The following CAP2 variants were observed in gnomAD, a reference collection of about 807,000 sequenced individuals.
CAP2 encodes the protein cyclase associated actin cytoskeleton regulatory protein 2.
A neutral mutation model predicts 57.7 loss-of-function variants in CAP2; 24 were observed. That is an observed-to-expected ratio of 0.42 (90% CI 0.30 to 0.58). The LOEUF is 0.58. Among genes scored for constraint, CAP2 ranks in the 20% least tolerant of loss-of-function variants. The probability of loss-of-function intolerance (pLI) is 0.22; values close to 1 mark genes in which losing one functional copy is unlikely to be tolerated. For missense variants in CAP2, 501 were observed against 590.3 expected, an observed-to-expected ratio of 0.85 and a Z score of 1.57; for synonymous variants, 194 against 207.2, an observed-to-expected ratio of 0.94 and a Z score of 0.55.
chr6:17,481,409 A>G (rs1482864968), intron 4 of CAP2, among the ~76,000 whole-genome samples: 4 of 148,604 alleles, frequency 2.7e-5, no homozygotes, highest in Non-Finnish European at 3.0e-5. Flanking sequence ...ATTTATTTCA[A>G]TTAACTAAGT....
intron 1 of CAP2, among the ~76,000 whole-genome samples, chr6:17,404,644 A>T (rs1196834189): frequency 6.9e-6 from 1 of 144,988 alleles, no homozygotes; most frequent in Non-Finnish European, 1.5e-5. Context: ...GGTGGCACGC[A>T]CCTGTAATCC....
rs764615905 is a variant in CAP2 at position 17,439,118 on chromosome 6, TAAAG to T, written c.222+12430_222+12433del. On this transcript the variant is annotated intron_variant, in intron 3 of 12. Coordinates refer to ENST00000229922, the MANE Select transcript of CAP2 (RefSeq NM_006366.3). ...AGAGCGAGACTCTGTCTTAAAAAAA[TAAAG>T]AGAGAGAGAAAAAAGAGAGAGAGAA... Among the ~76,000 whole-genome samples, 195 of 150,128 alleles carry T rather than the reference TAAAG, an allele frequency of 1.3e-3. 6 individuals carry two copies. The highest frequency in any genetic ancestry group is 2.8e-3 in the African/African-American group (114 of 40,308).
chr6:17,525,578 AT>A (rs1762484314), intron 7 of CAP2, among the ~76,000 whole-genome samples: 1 of 152,076 alleles, frequency 6.6e-6, no homozygotes, highest in Non-Finnish European at 1.5e-5. Flanking sequence ...AGCACTTCTT[AT>A]ACTCTCCATT....
intron 1 of CAP2, among the ~76,000 whole-genome samples, chr6:17,416,174 G>A (rs1452858381): frequency 1.0e-5 from 1 of 97,684 alleles, no homozygotes; most frequent in Non-Finnish European, 2.6e-5. Context: ...TTTTAAACAT[G>A]TTGGAGGAAT....
chr6:17,448,566 G>A (rs1349753618), intron 3 of CAP2, among the ~76,000 whole-genome samples: 1 of 152,100 alleles, frequency 6.6e-6, no homozygotes, highest in Non-Finnish European at 1.5e-5. Context: ...ATTCTTTCCA[G>A]TCTTTGATCT....
intron 3 of CAP2, among the ~76,000 whole-genome samples, chr6:17,428,392 T>A (rs1759643046): frequency 3.3e-5 from 5 of 152,214 alleles, no homozygotes; most frequent in Admixed American, 3.3e-4. Flanking sequence ...TTCTTCTTTT[T>A]CTTTGGCCTT....
chr6:17,512,419 T>G (rs1300011992), intron 6 of CAP2, among the ~76,000 whole-genome samples: 2 of 151,922 alleles, frequency 1.3e-5, no homozygotes, highest in Non-Finnish European at 2.9e-5. Flanking sequence ...GAGAAGAAAG[T>G]ATATTGAATG....
chr6:17,529,319 G>C (rs749740866), intron 7 of CAP2, among the ~76,000 whole-genome samples: 15 of 152,076 alleles, frequency 9.9e-5, no homozygotes, highest in Admixed American at 5.2e-4. Flanking sequence ...GCATAAAATA[G>C]AAAGAAATTA....
intron 7 of CAP2, among the ~76,000 whole-genome samples, chr6:17,533,572 CTT>C (rs11398161): frequency 1.6e-4 from 22 of 139,202 alleles, no homozygotes; most frequent in Non-Finnish European, 1.3e-4. Flanking sequence ...GCTTTTCTTT[CTT>C]TTTTTTTTTT....
chr6:17,446,350 A>T (rs1760256077), intron 3 of CAP2, among the ~76,000 whole-genome samples: 1 of 152,200 alleles, frequency 6.6e-6, no homozygotes, highest in Non-Finnish European at 1.5e-5. Flanking sequence ...TTTGGGTCTG[A>T]TTCCTTTCTA....
At chr6:17,504,903 A>G (rs1375864142) in intron 4 of CAP2, among the ~76,000 whole-genome samples, 1 of 152,002 alleles carries the variant, frequency 6.6e-6, no homozygotes, top group Non-Finnish European at 1.5e-5. Flanking sequence ...CCCAGTTTAG[A>G]CTCCTGGAAT....
At chr6:17,496,716 G>A (rs1255178702) in intron 4 of CAP2, among the ~76,000 whole-genome samples, 1 of 152,186 alleles carries the variant, frequency 6.6e-6, no homozygotes, top group Non-Finnish European at 1.5e-5. Context: ...GATCACTGGA[G>A]CTAAGTATCA....
At chr6:17,536,350 C>T (rs1762773716) in intron 7 of CAP2, 1 of 452,170 alleles carries the variant, frequency 2.2e-6, no homozygotes, top group African/African-American at 2.0e-5. Flanking sequence ...CGGTAAAGCA[C>T]CTGAATGCTA....
intron 1 of CAP2, among the ~76,000 whole-genome samples, chr6:17,419,397 A>G (rs1759371699): frequency 6.6e-6 from 1 of 152,136 alleles, no homozygotes; most frequent in Admixed American, 6.5e-5. Context: ...GAAGAATTCC[A>G]GGCACTGATT....
Position 17,423,363 on chromosome 6 carries a change from T to TC in CAP2, c.121+1689dup, listed in dbSNP as rs199673762. ...GCTGCCAGGAGCCTGTAAGTTTTTTTCCGCACCAACTGAGACACATCTATG... is the reference window on the plus strand; with the variant it reads ...GCTGCCAGGAGCCTGTAAGTTTTTTTCCCGCACCAACTGAGACACATCTATG... On this transcript the variant is annotated intron_variant, in intron 2 of 12. Transcript: ENST00000229922. 4.7e-3 allele frequency among the ~76,000 whole-genome samples: 715 copies of TC among 152,354 alleles called. 6 individuals are homozygous for TC. Among genetic ancestry groups the TC allele is most frequent in the Middle Eastern group, 0.017 (5 of 294 alleles).
At chr6:17,481,516 G>T (rs1761285702) in intron 4 of CAP2, among the ~76,000 whole-genome samples, 1 of 152,002 alleles carries the variant, frequency 6.6e-6, no homozygotes, top group Non-Finnish European at 1.5e-5. Flanking sequence ...TTGAGATTCT[G>T]CTAATACCTG....
intron 3 of CAP2, among the ~76,000 whole-genome samples, chr6:17,450,074 C>T (rs1446844628): frequency 6.7e-6 from 1 of 148,434 alleles, no homozygotes; most frequent in African/African-American, 2.5e-5. Flanking sequence ...TTTTTTAAGA[C>T]TGGGTCTTGC....
chr6:17,438,171 G>T (rs775826061), intron 3 of CAP2, among the ~76,000 whole-genome samples: 19 of 147,798 alleles, frequency 1.3e-4, no homozygotes, highest in Non-Finnish European at 2.2e-4. Flanking sequence ...TTCAAGACCA[G>T]CTTGGCCAAC....
chr6:17,403,690 G>A (rs904568629), intron 1 of CAP2, among the ~76,000 whole-genome samples: 7 of 152,102 alleles, frequency 4.6e-5, no homozygotes, highest in Admixed American at 6.6e-5. Context: ...AGTAAAATAG[G>A]CTAAAGCATA....
Sources: allele counts gnomAD v4.1 joint callset (sites outside exome capture counted in the v4.1 genomes callset), GRCh38; gene constraint gnomAD v4.1.1; transcripts MANE v1.5; gene names NCBI Gene and HGNC (gene_info 2026-07-23, HGNC 2026-07-21).